Variants in CACNA1F observed in about 807,000 individuals in gnomAD.
CACNA1F encodes voltage-dependent L-type calcium channel subunit alpha-1F.
In CACNA1F, 59 loss-of-function variants were observed where a neutral mutation model predicts 143.8. That is an observed-to-expected ratio of 0.41 (90% CI 0.33 to 0.51). The LOEUF (loss-of-function observed/expected upper bound fraction) is 0.51. CACNA1F is among the 20% of genes least tolerant of loss of function. CACNA1F has a pLI of 0.22. For synonymous variants in CACNA1F, 643 were observed against 649.1 expected (o/e 0.99, Z 0.14); for missense variants, 1,411 against 1,647.5 (o/e 0.86, Z 2.48).
At chrX:49,215,747 T>C (rs1270728350) in intron 27 of CACNA1F, among the ~76,000 whole-genome samples, 1 of 108,981 alleles carries the variant, frequency 9.2e-6, no homozygotes, top group African/African-American at 3.4e-5. Context: ...AGAGTCCAAA[T>C]CCTCTGTCCC....
At chrX:49,215,655 C>A in intron 27 of CACNA1F, 112 bp from the exon 28 acceptor site, 1 of 505,564 alleles carries the variant, frequency 2.0e-6, no homozygotes, top group Non-Finnish European at 3.3e-6. Flanking sequence ...TCCTGCCTGG[C>A]ACCCCAAAGA....
Position 49,230,867 on chromosome X carries a change from G to T in CACNA1F, c.504C>A (p.Phe168Leu). 2 of 1,182,752 alleles carry T rather than the reference G, an allele frequency of 1.7e-6. No homozygotes were observed. The highest frequency in any genetic ancestry group is 2.3e-6 in the Non-Finnish European group (2 of 880,574). The change falls in exon 4 of 48, where the codon TTC (phenylalanine) becomes TTA (leucine). Residue 168 changes from phenylalanine (F) to leucine (L), a missense_variant. Physicochemically the swap from Phe to Leu is conservative, Grantham distance 22. This residue lies in a region of CACNA1F where 950 missense variants were observed against 1,128.1 expected (regional missense o/e 0.84). Transcript: ENST00000323022. ...YIRNGWNLLDFIIVVVGLFSV... is the reference protein window; with the variant it reads ...YIRNGWNLLDLIIVVVGLFSV... Reference sequence around the variant, plus strand: ...ACGCGCACCCGACCACGACGATGATGAAGTCGAGTAGGTTCCAGCCATTGC... The same window carrying T: ...ACGCGCACCCGACCACGACGATGATTAAGTCGAGTAGGTTCCAGCCATTGC...
intron 6 of CACNA1F, among the ~76,000 whole-genome samples, chrX:49,229,496 T>C (rs1557110810): frequency 8.9e-6 from 1 of 112,412 alleles, no homozygotes; most frequent in African/African-American, 3.2e-5. Context: ...TTATTATTTT[T>C]TGGAGACTGG....
intron 17 of CACNA1F, chrX:49,222,215 T>G: frequency 3.9e-6 from 1 of 258,014 alleles, no homozygotes; most frequent in East Asian, 7.0e-5. Flanking sequence ...TTATTACATA[T>G]TATTAACATA....
intron 9 of CACNA1F, 115 bp from the exon 10 acceptor site, chrX:49,226,817 AT>A: frequency 3.0e-6 from 3 of 1,001,634 alleles, no homozygotes; most frequent in Non-Finnish European, 4.2e-6. Flanking sequence ...TTGATTCTGC[AT>A]TTTGAGCCAT....
intron 1 of CACNA1F, among the ~76,000 whole-genome samples, chrX:49,232,226 T>C (rs1557111559): frequency 9.0e-6 from 1 of 110,633 alleles, no homozygotes; most frequent in African/African-American, 3.3e-5. Flanking sequence ...ATTTGAGTGG[T>C]GGGTTTTGGG....
At chrX:49,212,129 C>A in intron 34 of CACNA1F, 114 bp downstream of exon 34, 1 of 779,180 alleles carries the variant, frequency 1.3e-6, no homozygotes, top group Non-Finnish European at 1.9e-6. Context: ...GTAGATTGAC[C>A]CAGGGCCGTC....
rs1557104661 is a variant in CACNA1F, at chrX:49,205,611, C to T, written c.5670+5G>A. On this transcript the variant is annotated splice_donor_5th_base_variant and intron_variant, in intron 47 of 47. Transcript: ENST00000323022. ...CCGTCTTGTCTATATGCCCTCTGGA[C>T]TCACAGCCTCCACCAAGCTGTCGGC... The T allele has an allele frequency of 8.3e-7, 1 of 1,200,335 alleles. No individual in the cohort carries two copies. The highest frequency in any genetic ancestry group is 1.1e-6 in the Non-Finnish European group (1 of 888,697).
intron 17 of CACNA1F, 85 bp downstream of exon 17, chrX:49,222,437 G>T: frequency 1.4e-6 from 1 of 718,810 alleles, no homozygotes; most frequent in Non-Finnish European, 2.2e-6. Context: ...GTGACTAGAG[G>T]CATCTCTGGT....
chrX:49,220,712 G>T (rs1199438702), intron 18 of CACNA1F, among the ~76,000 whole-genome samples, 188 bp from the exon 19 acceptor site: 5 of 112,919 alleles, frequency 4.4e-5, no homozygotes, highest in African/African-American at 1.6e-4. Flanking sequence ...TGAGGCAGGT[G>T]GATCACTTGA....
chrX:49,211,770 G>A (rs893020317), intron 35 of CACNA1F, 128 bp downstream of exon 35: 28 of 581,761 alleles, frequency 4.8e-5, no homozygotes, highest in Non-Finnish European at 2.4e-5. Flanking sequence ...ATCATAGCCA[G>A]GAAACATCTC....
Position 49,205,766 on chromosome X carries a change from C to T in CACNA1F, c.5520G>A (p.Pro1840=), listed in dbSNP as rs202177019. 13 of 1,203,361 alleles carry T rather than the reference C, an allele frequency of 1.1e-5. No individual in the cohort carries two copies. Among genetic ancestry groups the T allele is most frequent in the East Asian group, 3.0e-5 (1 of 33,403 alleles). The part of the protein sequence containing the change: ...PPQRGRLLYA[P]LLLVEEGAAG... ...CTGCGCCCTCTTCCACCAACAACAG[C>T]GGGGCATACAGGAGCCGACCCCGCT... The change falls in exon 47 of 48, where the codon CCG becomes CCA. Residue 1840 remains proline, a synonymous_variant. Coordinates refer to ENST00000323022, the MANE Select transcript of CACNA1F (RefSeq NM_001256789.3).
intron 17 of CACNA1F, chrX:49,222,149 C>A: frequency 6.4e-6 from 1 of 155,791 alleles, no homozygotes; most frequent in Non-Finnish European, 1.3e-5. Flanking sequence ...TCCTTGCTGA[C>A]CTTAACCCCA....
intron 21 of CACNA1F, 92 bp from the exon 22 acceptor site, chrX:49,219,033 G>A (rs1178419007): frequency 5.9e-6 from 5 of 846,401 alleles, no homozygotes; most frequent in Non-Finnish European, 8.7e-6. Flanking sequence ...AGAAAGATTA[G>A]GGTTCAAATT....
intron 33 of CACNA1F, 53 bp from the exon 34 acceptor site, chrX:49,212,361 A>T: frequency 5.1e-6 from 5 of 979,467 alleles, no homozygotes; most frequent in Non-Finnish European, 7.3e-6. Flanking sequence ...TCAGGCAAAG[A>T]ACTATAAGCC....
At chrX:49,218,855 G>A (rs972167828) in intron 22 of CACNA1F, 27 bp downstream of exon 22, 1 of 1,166,378 alleles carries the variant, frequency 8.6e-7, no homozygotes, top group Non-Finnish European at 1.2e-6. Flanking sequence ...GGGCAACTGA[G>A]GGTAGGACTG....
intron 2 of CACNA1F, 33 bp from the exon 3 acceptor site, chrX:49,231,340 G>A (rs1557111344): frequency 9.9e-7 from 1 of 1,010,438 alleles, no homozygotes; most frequent in South Asian, 2.0e-5. Flanking sequence ...CCCTGGCAGA[G>A]TGGCATTGGA....
At chrX:49,209,852 C>G (rs1365866186) in intron 40 of CACNA1F, 89 bp downstream of exon 40, 1 of 1,150,307 alleles carries the variant, frequency 8.7e-7, no homozygotes, top group African/African-American at 1.8e-5. Context: ...GACTTCCCCT[C>G]GCCCTCTGCC....
At chrX:49,206,064 A>C (rs1472965937) in intron 46 of CACNA1F, among the ~76,000 whole-genome samples, 1 of 111,283 alleles carries the variant, frequency 9.0e-6, no homozygotes, top group Non-Finnish European at 1.9e-5. Flanking sequence ...TACAGTGAGC[A>C]TTGTGTGCAT....
Sources: allele counts gnomAD v4.1 joint callset (sites outside exome capture counted in the v4.1 genomes callset), GRCh38; gene constraint gnomAD v4.1.1; regional missense constraint gnomAD v4.1.1; transcripts MANE v1.5; gene names NCBI Gene and HGNC (gene_info 2026-07-23, HGNC 2026-07-21).